The following DYSF variants were observed in gnomAD, a reference collection of about 807,000 sequenced individuals.
The protein encoded by DYSF is dystrophy-associated fer-1-like 1.
A neutral mutation model predicts 274.9 loss-of-function variants in DYSF; 212 were observed. The ratio of observed to expected loss-of-function variants is 0.77; its 90% CI spans 0.69 to 0.86. DYSF has a LOEUF of 0.86. DYSF is among the 40% of genes least tolerant of loss of function. DYSF has a pLI of 0.00. For synonymous variants in DYSF, 1,091 were observed against 1,078.7 expected (o/e 1.01, Z -0.22); for missense variants, 2,666 against 2,783.2 (o/e 0.96, Z 0.95).
intron 1 of DYSF, among the ~76,000 whole-genome samples, chr2:71,472,482 C>T (rs191321375): frequency 6.6e-6 from 1 of 152,324 alleles, no homozygotes; most frequent in East Asian, 1.9e-4. Context: ...TCTCGGCTCA[C>T]TGCAAGCTCT....
At chr2:71,481,796 C>T (rs932094737) in intron 2 of DYSF, 83 bp from the exon 3 acceptor site, 17 of 1,112,334 alleles carry the variant, frequency 1.5e-5, no homozygotes, top group Admixed American at 3.8e-5. Flanking sequence ...TACTCAGTGC[C>T]CTGGTGGCAC....
rs1364640146 is a variant in DYSF, at chr2:71,561,963, G to T, written c.2409+19G>T. The T allele has an allele frequency of 3.1e-6, 5 of 1,607,872 alleles. No individual in the cohort carries two copies. The highest frequency in any genetic ancestry group is 1.7e-5 in the Admixed American group (1 of 59,334). ...AGAGGAGGTAATTAAGCCTGGGGGT[G>T]CCTTTCTTCTTCTGCTCTCCTGCTG... On this transcript the variant is annotated intron_variant, in intron 23 of 55. Coordinates refer to ENST00000410020, the MANE Select transcript of DYSF (RefSeq NM_001130987.2).
intron 32 of DYSF, among the ~76,000 whole-genome samples, chr2:71,590,499 TC>T (rs1166783601): frequency 2.0e-5 from 3 of 152,166 alleles, no homozygotes; most frequent in Non-Finnish European, 4.4e-5. Flanking sequence ...TCGCTGACTG[TC>T]CCCTCTTTCC....
intron 55 of DYSF, among the ~76,000 whole-genome samples, chr2:71,685,748 G>A (rs888950811): frequency 1.3e-5 from 2 of 152,224 alleles, no homozygotes; most frequent in Non-Finnish European, 2.9e-5. Flanking sequence ...AAGGAGGGCC[G>A]GCTCTGTTTC....
At position 71,513,715 on chromosome 2, in the gene DYSF, G is replaced by C; in HGVS notation, c.554-1G>C. ...GCCTCATTAGGGCCCTCTCCTCTTA[G>C]ACACAGGAGGAGAGGAAGACACAGA... On this transcript the variant is annotated splice_acceptor_variant, in intron 6 of 55. Transcript: ENST00000410020. LOFTEE classifies it high-confidence loss of function. 1 of 1,613,634 alleles carries C rather than the reference G, an allele frequency of 6.2e-7. No homozygotes were observed. Among genetic ancestry groups the C allele is most frequent in the African/African-American group, 1.3e-5 (1 of 75,038 alleles).
chr2:71,667,283 C>T (rs1407288269), intron 47 of DYSF, 93 bp from the exon 48 acceptor site: 5 of 1,595,522 alleles, frequency 3.1e-6, no homozygotes, highest in South Asian at 1.1e-5. Flanking sequence ...TCTTATGACT[C>T]TTAGGCAGCC....
Position 71,568,291 on chromosome 2 carries a change from G to A in DYSF, c.2817G>A (p.Ser939=), listed in dbSNP as rs148902254. ...IKLPKDSFRP[S]AGWTWAGDWF... ...TACCCAAGGACAGCTTCCGCCCCTC[G>A]GCCGGCTGGACCTGGGCTGGAGATT... Residue 939 remains serine, a synonymous_variant, in exon 26 of 56, where the codon TCG becomes TCA. Coordinates refer to ENST00000410020, the MANE Select transcript of DYSF (RefSeq NM_001130987.2). The A allele has an allele frequency of 6.1e-4, 985 of 1,614,208 alleles. 7 individuals are homozygous for A. In the African/African-American group the frequency reaches 0.011, roughly 18 times the overall value.
At chr2:71,612,572 T>C (rs1045049752) in intron 38 of DYSF, 69 bp from the exon 39 acceptor site, 14 of 1,593,810 alleles carry the variant, frequency 8.8e-6, no homozygotes, top group Admixed American at 1.7e-5. Context: ...CATTTTCTGC[T>C]CTTTGGGCTT....
At position 71,684,358 on chromosome 2, in the gene DYSF, G is replaced by A. The variant is rs531056768; in HGVS notation, c.6321+1681G>A. Among the ~76,000 whole-genome samples, 6 of 152,340 alleles carry A rather than the reference G, an allele frequency of 3.9e-5. No homozygotes were observed. In the South Asian group the frequency reaches 1.2e-3, roughly 32 times the overall value. On this transcript the variant is annotated intron_variant, in intron 55 of 55. Transcript: ENST00000410020. ...CTGCCTGGTGTCTCCTGCCCAGGGG[G>A]CACCCTTCCCAGCCTGCCTCAAGCT...
At chr2:71,577,458 A>C (rs1185434868) in intron 30 of DYSF, among the ~76,000 whole-genome samples, 2 of 150,908 alleles carry the variant, frequency 1.3e-5, no homozygotes, top group Non-Finnish European at 3.0e-5. Flanking sequence ...CCTCACACAC[A>C]CCAACACACT....
At chr2:71,507,562 T>C (rs1018029741) in intron 4 of DYSF, among the ~76,000 whole-genome samples, 7 of 152,198 alleles carry the variant, frequency 4.6e-5, no homozygotes, top group African/African-American at 1.4e-4. Flanking sequence ...CCCCAGAATC[T>C]TGAACAGTGT....
chr2:71,669,325 C>A, intron 50 of DYSF, 118 bp downstream of exon 50: 1 of 983,740 alleles, frequency 1.0e-6, no homozygotes. Flanking sequence ...AAACTTCCAA[C>A]GAGGGCTCCT....
At chr2:71,469,981 T>C (rs2081858068) in intron 1 of DYSF, among the ~76,000 whole-genome samples, 1 of 152,204 alleles carries the variant, frequency 6.6e-6, no homozygotes, top group African/African-American at 2.4e-5. Context: ...TGCCTGGTGC[T>C]TTTCTAGGTG....
intron 17 of DYSF, among the ~76,000 whole-genome samples, chr2:71,545,652 A>G (rs1287100200): frequency 6.6e-6 from 1 of 152,090 alleles, no homozygotes; most frequent in African/African-American, 2.4e-5. Flanking sequence ...TCATCTCTCA[A>G]TCCAGGGGCA....
Position 71,575,411 on chromosome 2 carries a change from C to G in DYSF, c.3402+1040C>G, listed in dbSNP as rs545365530. Among the ~76,000 whole-genome samples the G allele has an allele frequency of 8.6e-4, 131 of 152,250 alleles. 1 individual carries two copies. The highest frequency in any genetic ancestry group is 3.1e-3 in the African/African-American group (130 of 41,546). On this transcript the variant is annotated intron_variant, in intron 30 of 55. Transcript: ENST00000410020. ...GCTTCGGAGAGAGCCCCTCCCTTGC[C>G]CTGGGGCCAGGTCAAGGGGAGGCTG...
At chr2:71,554,166 G>T (rs1249500690) in intron 21 of DYSF, among the ~76,000 whole-genome samples, 1 of 152,236 alleles carries the variant, frequency 6.6e-6, no homozygotes, top group Non-Finnish European at 1.5e-5. Context: ...CCAGTGTGCA[G>T]TGGGACACAG....
intron 40 of DYSF, among the ~76,000 whole-genome samples, chr2:71,619,299 C>T (rs2094031589): frequency 6.6e-6 from 1 of 152,190 alleles, no homozygotes; most frequent in African/African-American, 2.4e-5. Context: ...ATGTGGCCAG[C>T]ACCCCAGGGC....
intron 32 of DYSF, among the ~76,000 whole-genome samples, chr2:71,595,346 A>G (rs1288353388): frequency 6.6e-6 from 1 of 152,094 alleles, no homozygotes; most frequent in Non-Finnish European, 1.5e-5. Context: ...GCCCTTTCCT[A>G]TGAGGTGGCA....
At position 71,525,682 on chromosome 2, in the gene DYSF, C is replaced by T. The variant is rs145729835; in HGVS notation, c.1150-538C>T. ...AAGACACAGTACATGTTATTGGATT[C>T]GTTTGCTGAAAGTGTTTTCCCTGCA... On this transcript the variant is annotated intron_variant, in intron 12 of 55. Transcript: ENST00000410020. 3.4e-3 allele frequency among the ~76,000 whole-genome samples: 508 copies of T among 148,906 alleles called. 4 individuals are homozygous for T. The highest frequency in any genetic ancestry group is 0.012 in the African/African-American group (480 of 40,608).
Sources: gnomAD v4.1 joint callset for allele counts (sites outside exome capture counted in the v4.1 genomes callset) on GRCh38, gnomAD v4.1.1 for gene constraint, MANE v1.5 for transcripts, NCBI Gene and HGNC (gene_info 2026-07-23, HGNC 2026-07-21) for gene names.